AGBL4: variants seen among roughly 807,000 people sequenced by gnomAD.
AGBL4 encodes the protein cytosolic carboxypeptidase 6.
AGBL4 carries 58 observed loss-of-function variants against 66.4 expected under a neutral mutation model. The ratio of observed to expected loss-of-function variants is 0.87; its 90% confidence interval spans 0.71 to 1.09. The LOEUF is 1.09. AGBL4 is among the 50% of genes least tolerant of loss of function. The pLI, the probability that AGBL4 is intolerant of heterozygous loss-of-function variation, is 0.00. For synonymous variants in AGBL4, 234 were observed against 222.9 expected (o/e 1.05, Z -0.44); for missense variants, 579 against 631.0 (o/e 0.92, Z 0.88).
chr1:49,920,468 C>T (rs1652104987), intron 1 of AGBL4, among the ~76,000 whole-genome samples: 1 of 152,214 alleles, frequency 6.6e-6, no homozygotes, highest in Non-Finnish European at 1.5e-5. Context: ...AACATTTATG[C>T]AGCCAACAGA....
chr1:48,850,240 C>A (rs1647004003), intron 6 of AGBL4, among the ~76,000 whole-genome samples: 1 of 152,140 alleles, frequency 6.6e-6, no homozygotes, highest in African/African-American at 2.4e-5. Context: ...TGGCTCTAGG[C>A]CCCAGGCACT....
chr1:48,577,219 G>A lies in AGBL4; in HGVS notation c.1267+9785C>T, dbSNP rs574827364. 2.0e-5 allele frequency among the ~76,000 whole-genome samples: 3 copies of A among 152,316 alleles called. No homozygotes were observed. In the East Asian group the frequency reaches 5.8e-4, roughly 29 times the overall value. On this transcript the variant is annotated intron_variant, in intron 11 of 13. Coordinates refer to ENST00000371839, the MANE Select transcript of AGBL4 (RefSeq NM_032785.4). The stretch of plus-strand genomic sequence containing the variant: ...CTTCCCACACTTGTGCAATAAGAAG[G>A]TGGGAACACAAGTATTATATGCATA...
intron 3 of AGBL4, among the ~76,000 whole-genome samples, chr1:49,339,049 T>C (rs758189673): frequency 6.6e-6 from 1 of 152,106 alleles, no homozygotes; most frequent in Non-Finnish European, 1.5e-5. Context: ...ATGACGAAAT[T>C]AGGAAATCAC....
chr1:49,564,590 G>T (rs1297029279), intron 3 of AGBL4, among the ~76,000 whole-genome samples: 1 of 152,264 alleles, frequency 6.6e-6, no homozygotes, highest in East Asian at 1.9e-4. Context: ...GGAGCAGGTT[G>T]TTCAGTTTCC....
chr1:48,581,074 C>T (rs371251240), intron 11 of AGBL4, among the ~76,000 whole-genome samples: 2 of 152,270 alleles, frequency 1.3e-5, no homozygotes, highest in African/African-American at 4.8e-5. Flanking sequence ...AACTTTTATC[C>T]CTCTGTGATG....
chr1:49,382,403 GA>G (rs1205650033), intron 3 of AGBL4, among the ~76,000 whole-genome samples: 2 of 151,468 alleles, frequency 1.3e-5, no homozygotes, highest in African/African-American at 4.8e-5. Context: ...ATGAAGGGGG[GA>G]AACTACACGA....
intron 2 of AGBL4, among the ~76,000 whole-genome samples, chr1:49,780,606 G>T (rs930563585): frequency 6.6e-6 from 1 of 152,094 alleles, no homozygotes; most frequent in Non-Finnish European, 1.5e-5. Context: ...GGGGAAGAAA[G>T]GGGGAGCTCT....
chr1:49,635,222 C>T (rs755071313), intron 3 of AGBL4, among the ~76,000 whole-genome samples: 59 of 152,258 alleles, frequency 3.9e-4, no homozygotes, highest in Non-Finnish European at 4.0e-4. Flanking sequence ...ATTCATACTT[C>T]ATATCATACA....
At chr1:49,551,972 G>A (rs1290510235) in intron 3 of AGBL4, among the ~76,000 whole-genome samples, 5 of 152,148 alleles carry the variant, frequency 3.3e-5, no homozygotes, top group Admixed American at 3.3e-4. Context: ...TCCTGCTGCA[G>A]CTGCTATGGG....
In AGBL4 at chr1:49,941,089, A is replaced by G. The variant is rs1008704992; in HGVS notation, c.34+82674T>C. Among the ~76,000 whole-genome samples the G allele has an allele frequency of 1.3e-5, 2 of 152,166 alleles. 1 individual carries two copies. The highest frequency in any genetic ancestry group is 2.9e-5 in the Non-Finnish European group (2 of 68,020). On this transcript the variant is annotated intron_variant, in intron 1 of 13. Coordinates refer to ENST00000371839, the MANE Select transcript of AGBL4 (RefSeq NM_032785.4). ...TAGGAGAAACTGGTAATCCCTAGAC[A>G]TATACAACCTACCTAATAACTGAAG...
intron 1 of AGBL4, among the ~76,000 whole-genome samples, chr1:49,992,921 G>A (rs148721924): frequency 8.7e-4 from 133 of 152,212 alleles, no homozygotes; most frequent in African/African-American, 3.1e-3. Context: ...AAGAGGAGAC[G>A]GCTCACGTTT....
chr1:49,587,404 A>C (rs2124043913), intron 3 of AGBL4, among the ~76,000 whole-genome samples: 1 of 152,334 alleles, frequency 6.6e-6, no homozygotes, highest in South Asian at 2.1e-4. Context: ...GTGTTCCCAT[A>C]GCTCATGCTG....
At chr1:49,063,965 C>A (rs551556272) in intron 4 of AGBL4, among the ~76,000 whole-genome samples, 10 of 152,194 alleles carry the variant, frequency 6.6e-5, no homozygotes, top group Non-Finnish European at 1.0e-4. Flanking sequence ...GCTAACAGGT[C>A]TGGTTTTGAA....
the AGBL4 span, among the ~76,000 whole-genome samples, chr1:48,524,856 T>G: frequency 6.6e-6 from 1 of 152,034 alleles, no homozygotes; most frequent in Non-Finnish European, 1.5e-5. Context: ...TCCTTTTTTT[T>G]TTTTTTTTGT....
At chr1:49,563,184 G>C (rs1024167252) in intron 3 of AGBL4, among the ~76,000 whole-genome samples, 64 of 143,060 alleles carry the variant, frequency 4.5e-4, no homozygotes, top group Non-Finnish European at 1.8e-4. Flanking sequence ...TGCTGAAGTT[G>C]CTTATCAGCT....
At chr1:49,938,680 G>A (rs1654382579) in intron 1 of AGBL4, among the ~76,000 whole-genome samples, 1 of 152,118 alleles carries the variant, frequency 6.6e-6, no homozygotes, top group African/African-American at 2.4e-5. Flanking sequence ...GGGATGCAAG[G>A]CTGGTTCAAT....
intron 3 of AGBL4, among the ~76,000 whole-genome samples, chr1:49,334,050 G>C (rs1645386793): frequency 1.3e-5 from 2 of 152,144 alleles, no homozygotes; most frequent in South Asian, 4.1e-4. Flanking sequence ...ATCATCTGTT[G>C]CTTGTGTAGC....
intron 2 of AGBL4, among the ~76,000 whole-genome samples, chr1:49,769,147 A>C (rs936816215): frequency 6.6e-6 from 1 of 152,018 alleles, no homozygotes; most frequent in African/African-American, 2.4e-5. Flanking sequence ...ACACCCAGCC[A>C]AAAATCAGGA....
intron 1 of AGBL4, among the ~76,000 whole-genome samples, chr1:49,976,625 T>C (rs1658579825): frequency 6.6e-6 from 1 of 152,134 alleles, no homozygotes; most frequent in Non-Finnish European, 1.5e-5. Flanking sequence ...AAGCTCAAAA[T>C]AAAGCACCTC....
Sources: gnomAD v4.1 joint callset for allele counts (sites outside exome capture counted in the v4.1 genomes callset) on GRCh38, gnomAD v4.1.1 for gene constraint, MANE v1.5 for transcripts, NCBI Gene and HGNC (gene_info 2026-07-23, HGNC 2026-07-21) for gene names.